EYS: variants seen among roughly 807,000 people sequenced by gnomAD.
The protein encoded by EYS is protein eyes shut homolog.
A neutral mutation model predicts 282.1 loss-of-function variants in EYS; 250 were observed. That is an observed-to-expected ratio of 0.89 (90% CI 0.80 to 0.98). The LOEUF (loss-of-function observed/expected upper bound fraction) is 0.98, where lower values mean the gene tolerates loss of function less well. Ranked by LOEUF, EYS falls within the 50% of genes least tolerant of loss-of-function variation. The probability of loss-of-function intolerance (pLI) is 0.00; values close to 1 mark genes in which losing one functional copy is unlikely to be tolerated. For missense variants in EYS, 4,016 were observed against 3,709.0 expected (o/e 1.08, Z -2.15); for synonymous variants, 1,355 against 1,282.9 (o/e 1.06, Z -1.20).
intron 22 of EYS, among the ~76,000 whole-genome samples, chr6:64,720,592 C>T (rs543088636): frequency 6.6e-6 from 1 of 152,238 alleles, no homozygotes; most frequent in East Asian, 1.9e-4. Context: ...GTTTTCCATC[C>T]CCTAGAGTCT....
intron 5 of EYS, among the ~76,000 whole-genome samples, chr6:65,427,695 T>C (rs1767715162): frequency 6.6e-6 from 1 of 152,100 alleles, no homozygotes; most frequent in South Asian, 2.1e-4. Context: ...AGTACCCCAC[T>C]GAATGCTGAA....
chr6:63,723,037 G>A (rs929468947), intron 42 of EYS, among the ~76,000 whole-genome samples: 1 of 152,098 alleles, frequency 6.6e-6, no homozygotes. Flanking sequence ...CACCCAAAAC[G>A]GTATCTGGCC....
At chr6:64,592,985 A>C (rs573302788) in intron 25 of EYS, 132 bp downstream of exon 25, 9 of 603,002 alleles carry the variant, frequency 1.5e-5, no homozygotes, top group Non-Finnish European at 2.1e-5. Flanking sequence ...ATAACCAATA[A>C]TGCTTAATTT....
intron 22 of EYS, among the ~76,000 whole-genome samples, chr6:64,684,820 T>C (rs1241553194): frequency 6.6e-6 from 1 of 151,784 alleles, no homozygotes; most frequent in Admixed American, 6.6e-5. Context: ...AAAATTAAAA[T>C]AAGATATTAA....
chr6:65,440,592 T>A (rs1768275669), intron 5 of EYS, among the ~76,000 whole-genome samples: 2 of 151,408 alleles, frequency 1.3e-5, no homozygotes, highest in African/African-American at 4.8e-5. Context: ...ACAAGTAATT[T>A]TTGCTTGTCT....
chr6:65,557,103 A>C (rs1768842660), intron 2 of EYS, among the ~76,000 whole-genome samples: 1 of 152,216 alleles, frequency 6.6e-6, no homozygotes, highest in Admixed American at 6.5e-5. Context: ...AATTATAACA[A>C]GAATTATAAC....
chr6:65,062,483 G>GT (rs1773607301), intron 12 of EYS, among the ~76,000 whole-genome samples: 1 of 151,822 alleles, frequency 6.6e-6, no homozygotes, highest in African/African-American at 2.4e-5. Flanking sequence ...CTCTAATGCA[G>GT]TGCACAACAC....
At chr6:64,837,672 A>G (rs1017520475) in intron 19 of EYS, among the ~76,000 whole-genome samples, 36 of 96,466 alleles carry the variant, frequency 3.7e-4, no homozygotes, top group African/African-American at 1.1e-3. Flanking sequence ...TATATGATAT[A>G]TATATATATA....
rs963050979 is a variant in EYS at position 64,622,235 on chromosome 6, T to C, written c.3568+3886A>G. Among the ~76,000 whole-genome samples the C allele has an allele frequency of 2.6e-5, 4 of 152,138 alleles. No homozygotes were observed. The East Asian group carries it at 7.7e-4, about 29-fold the overall frequency. On this transcript the variant is annotated intron_variant, in intron 23 of 42. Transcript: ENST00000503581. ...TGGCTTGGAGGAAGTGGCATATTTA[T>C]ATAATTTTTCTGCCTAGAGATGGTG... is the stretch of plus-strand genomic sequence containing the variant.
At chr6:64,157,155 G>A (rs952908616) in intron 31 of EYS, among the ~76,000 whole-genome samples, 4 of 148,968 alleles carry the variant, frequency 2.7e-5, no homozygotes, top group African/African-American at 9.9e-5. Context: ...TTGGTTTTTT[G>A]TTCTTGCGAT....
At chr6:65,681,302 A>C (rs1204648516) in intron 1 of EYS, among the ~76,000 whole-genome samples, 2 of 152,024 alleles carry the variant, frequency 1.3e-5, no homozygotes, top group African/African-American at 2.4e-5. Flanking sequence ...AACAGCTATC[A>C]GCCAACTCAT....
intron 26 of EYS, among the ~76,000 whole-genome samples, chr6:64,583,710 G>T (rs545954087): frequency 6.6e-6 from 1 of 152,076 alleles, no homozygotes; most frequent in African/African-American, 2.4e-5. Context: ...CAGGAGAATT[G>T]CTTGAACCTG....
chr6:63,914,733 A>AAAAAAAAAT (rs796463777), intron 35 of EYS, among the ~76,000 whole-genome samples: 1 of 148,824 alleles, frequency 6.7e-6, no homozygotes. Context: ...AAAAAAAAAA[A>AAAAAAAAAT]GCAAAACAAC....
chr6:65,115,981 C>G (rs531071938), intron 12 of EYS, among the ~76,000 whole-genome samples: 1 of 150,390 alleles, frequency 6.6e-6, no homozygotes, highest in South Asian at 2.1e-4. Flanking sequence ...ATCTATCTAT[C>G]TATCTATCTA....
chr6:64,467,942 G>A (rs2150490071), intron 26 of EYS, among the ~76,000 whole-genome samples: 1 of 152,214 alleles, frequency 6.6e-6, no homozygotes, highest in South Asian at 2.1e-4. Flanking sequence ...ATGGGCTTCA[G>A]GGTTGGCCGG....
At chr6:63,947,437 T>G (rs1765432120) in intron 35 of EYS, among the ~76,000 whole-genome samples, 1 of 152,054 alleles carries the variant, frequency 6.6e-6, no homozygotes, top group Admixed American at 6.6e-5. Context: ...TCCTTAAAAA[T>G]GATAAATAAT....
chr6:64,053,033 A>G (rs1770865405), intron 33 of EYS, among the ~76,000 whole-genome samples: 1 of 152,210 alleles, frequency 6.6e-6, no homozygotes, highest in Non-Finnish European at 1.5e-5. Flanking sequence ...TATAATAAGT[A>G]TAGCAGCATA....
intron 29 of EYS, among the ~76,000 whole-genome samples, chr6:64,328,595 C>T (rs1346073798): frequency 6.6e-6 from 1 of 152,142 alleles, no homozygotes; most frequent in Non-Finnish European, 1.5e-5. Flanking sequence ...CATTTGTAAG[C>T]CAGGCACAAG....
At chr6:64,764,604 C>T (rs1002243983) in intron 22 of EYS, among the ~76,000 whole-genome samples, 5 of 152,224 alleles carry the variant, frequency 3.3e-5, no homozygotes, top group African/African-American at 1.2e-4. Flanking sequence ...TGGTTATTAA[C>T]ATTTTGCCCA....
Sources: gnomAD v4.1 joint callset for allele counts (sites outside exome capture counted in the v4.1 genomes callset) on GRCh38, gnomAD v4.1.1 for gene constraint, MANE v1.5 for transcripts, NCBI Gene and HGNC (gene_info 2026-07-23, HGNC 2026-07-21) for gene names.